The following STK33 variants were observed in gnomAD, a reference collection of about 807,000 sequenced individuals.
STK33 encodes the protein serine/threonine kinase 33.
STK33 carries 52 observed loss-of-function variants against 58.0 expected under a neutral mutation model. That is an observed-to-expected ratio of 0.90 (90% confidence interval 0.72 to 1.13). The LOEUF is 1.13. Ranked by LOEUF, STK33 falls within the 50% of genes most tolerant of loss-of-function variation. The pLI, the probability that STK33 is intolerant of heterozygous loss-of-function variation, is 0.00. For synonymous variants in STK33, 215 were observed against 200.1 expected, an observed-to-expected ratio of 1.07 and a Z score of -0.63; for missense variants, 630 against 604.2, an observed-to-expected ratio of 1.04 and a Z score of -0.45.
At chr11:8,344,949 G>A in the STK33 span, among the ~76,000 whole-genome samples, 1 of 152,180 alleles carries the variant, frequency 6.6e-6, no homozygotes, top group Admixed American at 6.5e-5. Flanking sequence ...TGCCTCTAGA[G>A]CTGCCTCTCC....
At chr11:8,409,753 T>C (rs1486773589) in intron 15 of STK33, among the ~76,000 whole-genome samples, 1 of 152,214 alleles carries the variant, frequency 6.6e-6, no homozygotes, top group Non-Finnish European at 1.5e-5. Flanking sequence ...ATATTCTATA[T>C]ACATTTTTAG....
the STK33 span, among the ~76,000 whole-genome samples, chr11:8,347,379 A>G: frequency 3.3e-5 from 5 of 152,218 alleles, no homozygotes; most frequent in Non-Finnish European, 7.3e-5. Flanking sequence ...TCAGCCACAT[A>G]TAAACTAGGT....
chr11:8,558,179 C>T (rs1435713426), intron 1 of STK33, among the ~76,000 whole-genome samples: 3 of 152,096 alleles, frequency 2.0e-5, no homozygotes, highest in African/African-American at 7.2e-5. Context: ...CATTTGTTTG[C>T]AGGGAGCTGT....
At chr11:8,427,369 C>T (rs972088002) in intron 14 of STK33, among the ~76,000 whole-genome samples, 2 of 152,064 alleles carry the variant, frequency 1.3e-5, no homozygotes, top group African/African-American at 2.4e-5. Context: ...ATATGATCTG[C>T]TCATTCTCTC....
chr11:8,516,481 A>T (rs1389065457), intron 1 of STK33, among the ~76,000 whole-genome samples: 1 of 152,222 alleles, frequency 6.6e-6, no homozygotes, highest in Admixed American at 6.5e-5. Context: ...TACTGGGTTC[A>T]TCTCACTGGG....
chr11:8,494,348 C>T (rs1220047845), intron 1 of STK33, among the ~76,000 whole-genome samples: 1 of 152,100 alleles, frequency 6.6e-6, no homozygotes, highest in East Asian at 1.9e-4. Flanking sequence ...TTCACAATTG[C>T]TACAAAGAGA....
intron 1 of STK33, among the ~76,000 whole-genome samples, chr11:8,514,780 T>C (rs1300828315): frequency 6.6e-6 from 1 of 152,230 alleles, no homozygotes; most frequent in Non-Finnish European, 1.5e-5. Context: ...GTTTCAAATA[T>C]AATGTCTGGC....
At chr11:8,545,923 G>A (rs1211917168) in intron 1 of STK33, among the ~76,000 whole-genome samples, 2 of 152,084 alleles carry the variant, frequency 1.3e-5, no homozygotes, top group African/African-American at 4.8e-5. Context: ...AACCTAGATG[G>A]GCCAACCTAC....
intron 1 of STK33, among the ~76,000 whole-genome samples, chr11:8,538,013 C>G (rs1192084815): frequency 6.6e-6 from 1 of 151,746 alleles, no homozygotes; most frequent in Non-Finnish European, 1.5e-5. Context: ...ATGGCGAAAC[C>G]TCGTCTCTAC....
chr11:8,363,820 T>G, the STK33 span, among the ~76,000 whole-genome samples: 1 of 152,232 alleles, frequency 6.6e-6, no homozygotes, highest in African/African-American at 2.4e-5. Context: ...ATAGTAAAAC[T>G]AATACTCATT....
chr11:8,544,535 T>C (rs142726257), intron 1 of STK33, among the ~76,000 whole-genome samples: 2 of 151,838 alleles, frequency 1.3e-5, no homozygotes, highest in African/African-American at 2.4e-5. Flanking sequence ...ATCTACATAA[T>C]AATTTTGTAA....
intron 1 of STK33, among the ~76,000 whole-genome samples, chr11:8,558,850 C>T (rs1328763396): frequency 1.3e-5 from 2 of 152,174 alleles, no homozygotes; most frequent in South Asian, 2.1e-4. Context: ...AGCAAATTCA[C>T]GTTTTCAAAA....
chr11:8,426,383 T>C (rs1942761345), intron 14 of STK33, among the ~76,000 whole-genome samples: 1 of 152,192 alleles, frequency 6.6e-6, no homozygotes, highest in South Asian at 2.1e-4. Flanking sequence ...TCTCGGGTTT[T>C]TTACAGGCCC....
At chr11:8,365,787 C>T in the STK33 span, among the ~76,000 whole-genome samples, 1 of 152,196 alleles carries the variant, frequency 6.6e-6, no homozygotes, top group Non-Finnish European at 1.5e-5. Context: ...CCCGAGAACA[C>T]AGACTCTCTG....
the STK33 span, among the ~76,000 whole-genome samples, chr11:8,365,728 A>T: frequency 1.3e-5 from 2 of 152,058 alleles, no homozygotes; most frequent in Admixed American, 1.3e-4. Context: ...GGTAGGAGGA[A>T]GTAGCCTGGC....
chr11:8,490,620 T>C (rs746968819), intron 1 of STK33, among the ~76,000 whole-genome samples: 1 of 152,210 alleles, frequency 6.6e-6, no homozygotes. Context: ...CCTCCTCAAG[T>C]GGGTCCCTGA....
chr11:8,384,880 C>G, the STK33 span, among the ~76,000 whole-genome samples: 4 of 152,196 alleles, frequency 2.6e-5, no homozygotes, highest in African/African-American at 9.7e-5. Context: ...CTGGGCCCAG[C>G]TGTCTTTCAT....
chr11:8,525,146 A>T (rs1020522012), intron 1 of STK33, among the ~76,000 whole-genome samples: 20 of 152,200 alleles, frequency 1.3e-4, no homozygotes, highest in Non-Finnish European at 4.4e-5. Flanking sequence ...ATGTTCATAG[A>T]TTGAAAGATT....
the STK33 span, among the ~76,000 whole-genome samples, chr11:8,357,240 C>T: frequency 6.6e-6 from 1 of 152,330 alleles, no homozygotes; most frequent in Admixed American, 6.5e-5. Flanking sequence ...TAATTAGCAG[C>T]GCGCGGCGCG....
Sources: allele counts gnomAD v4.1 joint callset (sites outside exome capture counted in the v4.1 genomes callset), GRCh38; gene constraint gnomAD v4.1.1; transcripts MANE v1.5; gene names NCBI Gene and HGNC (gene_info 2026-07-23, HGNC 2026-07-21).